DHX33: variants seen among roughly 807,000 people sequenced by gnomAD.
DHX33 encodes DEAH-box helicase 33.
DHX33 carries 42 observed loss-of-function variants against 72.5 expected under a neutral mutation model. That is an observed-to-expected ratio of 0.58 (90% CI 0.45 to 0.75). The LOEUF is 0.75. Ranked by LOEUF, DHX33 falls within the 30% of genes least tolerant of loss-of-function variation. The pLI, the probability that DHX33 is intolerant of heterozygous loss-of-function variation, is 0.00. For synonymous variants in DHX33, 358 were observed against 366.1 expected (o/e 0.98, Z 0.25); for missense variants, 842 against 917.5 (o/e 0.92, Z 1.06).
At chr17:5,445,821 C>T (rs1054217966) in intron 11 of DHX33, among the ~76,000 whole-genome samples, 5 of 152,190 alleles carry the variant, frequency 3.3e-5, no homozygotes, top group Non-Finnish European at 7.3e-5. Context: ...AGTGGCGGGC[C>T]TGGCTCCTGC....
At chr17:5,445,871 C>T (rs374957660) in intron 11 of DHX33, among the ~76,000 whole-genome samples, 2 of 152,272 alleles carry the variant, frequency 1.3e-5, no homozygotes, top group East Asian at 1.9e-4. Flanking sequence ...TCCTGCCTAT[C>T]GGTTCTCAGA....
chr17:5,460,194 T>C (rs1184778059), intron 4 of DHX33, among the ~76,000 whole-genome samples: 2 of 151,876 alleles, frequency 1.3e-5, no homozygotes, highest in East Asian at 3.9e-4. Context: ...TTTTGTATTT[T>C]TAGTACAGAC....
Position 5,462,350 on chromosome 17 carries a change from C to G in DHX33, c.647G>C (p.Arg216Thr), listed in dbSNP as rs978556725. ...LFGVVKAAQK[R>T]RKELGKLPLK... is the part of the protein sequence containing the mutation. ...AGGAAGTTTCCCGAGTTCCTTTCTC[C>G]TCTTCTGTGCAGCTTTCACCACTCC... Residue 216 changes from arginine (R) to threonine (T), a missense_variant, in exon 3 of 12, where the codon AGG becomes ACG. Physicochemically the swap from Arg to Thr is moderately conservative, Grantham distance 71. Transcript: ENST00000225296. 2 of 1,613,890 alleles carry G rather than the reference C, an allele frequency of 1.2e-6. No individual in the cohort carries two copies. Among genetic ancestry groups the G allele is most frequent in the African/African-American group, 2.7e-5 (2 of 74,916 alleles).
intron 1 of DHX33, among the ~76,000 whole-genome samples, chr17:5,466,509 C>T (rs1184048093): frequency 1.3e-5 from 2 of 152,144 alleles, no homozygotes; most frequent in Non-Finnish European, 2.9e-5. Flanking sequence ...TCAGCTGTTA[C>T]CCACACAGCT....
Position 5,462,549 on chromosome 17 carries a change from G to C in DHX33, c.451-3C>G. 6.2e-7 allele frequency: 1 copy of C among 1,610,516 alleles called. No individual in the cohort carries two copies. On this transcript the variant is annotated splice_region_variant and splice_polypyrimidine_tract_variant and intron_variant, in intron 2 of 11. Transcript: ENST00000225296. Reference sequence around the variant, plus strand: ...TCAAAGCGCACTGTATAGCCAACCTGTGCAGGGAAACAATTTATTCAGTCA... The same window carrying C: ...TCAAAGCGCACTGTATAGCCAACCTCTGCAGGGAAACAATTTATTCAGTCA...
At chr17:5,454,537 C>T (rs1917105330) in intron 6 of DHX33, among the ~76,000 whole-genome samples, 1 of 152,172 alleles carries the variant, frequency 6.6e-6, no homozygotes, top group African/African-American at 2.4e-5. Context: ...GCACTGGAGA[C>T]CCAAGCTCTT....
chr17:5,457,517 G>T (rs1166879024), intron 4 of DHX33, among the ~76,000 whole-genome samples: 3 of 145,724 alleles, frequency 2.1e-5, no homozygotes, highest in Non-Finnish European at 4.5e-5. Context: ...TGAGGCACAA[G>T]AATCACTTGG....
chr17:5,462,305 A>C lies in DHX33; in HGVS notation c.678+14T>G, dbSNP rs373734259. 1.4e-5 allele frequency: 22 copies of C among 1,608,792 alleles called. No individual in the cohort carries two copies. In the African/African-American group the frequency reaches 2.7e-4, roughly 20 times the overall value. ...AAGTTTCCCTCATACTTTCAGGGGA[A>C]GTTTCCCTCATACTTTCAGAGGAAG... is the stretch of plus-strand genomic sequence containing the variant. On this transcript the variant is annotated intron_variant, in intron 3 of 11. Coordinates refer to ENST00000225296, the MANE Select transcript of DHX33 (RefSeq NM_020162.4).
rs558237370 is a variant in DHX33 at position 5,457,201 on chromosome 17, A to C, written c.850-1019T>G. ...CGCACGCCTGTAATCCCAGCTACTCAGGAGGCTGAGGCAGGAGAATCACTT... is the reference window on the plus strand; with the variant it reads ...CGCACGCCTGTAATCCCAGCTACTCCGGAGGCTGAGGCAGGAGAATCACTT... On this transcript the variant is annotated intron_variant, in intron 4 of 11. Coordinates refer to ENST00000225296, the MANE Select transcript of DHX33 (RefSeq NM_020162.4). Among the ~76,000 whole-genome samples, 3 of 152,252 alleles carry C rather than the reference A, an allele frequency of 2.0e-5. No homozygotes were observed. The East Asian group carries it at 5.8e-4, about 29-fold the overall frequency.
chr17:5,442,659 G>C lies in DHX33; in HGVS notation c.*1546C>G, dbSNP rs1916479387. ...TCCATCAGGCCACAGCTTCCAGAAA[G>C]AGAGCATCCATGATCTCTGAAGAGC... On this transcript the variant is annotated 3_prime_UTR_variant, in exon 12 of 12. Coordinates refer to ENST00000225296, the MANE Select transcript of DHX33 (RefSeq NM_020162.4). 1 of 152,190 alleles carries C rather than the reference G, an allele frequency of 6.6e-6. No homozygotes were observed. Among genetic ancestry groups the C allele is most frequent in the Admixed American group, 6.5e-5 (1 of 15,284 alleles). The allele number at this position is 152,190 out of a possible 1,614,324, so 9.4% of individuals were successfully genotyped here. A position where few individuals can be genotyped will look rare whatever the true frequency, so the allele number is the denominator to read the frequency against.
chr17:5,467,269 G>A (rs777358691), intron 1 of DHX33, among the ~76,000 whole-genome samples: 3 of 152,094 alleles, frequency 2.0e-5, no homozygotes, highest in African/African-American at 2.4e-5. Context: ...CAGGATCATG[G>A]CAATTTCACA....
intron 4 of DHX33, among the ~76,000 whole-genome samples, chr17:5,456,784 CA>C (rs1391989418): frequency 2.0e-5 from 3 of 152,172 alleles, no homozygotes; most frequent in African/African-American, 4.8e-5. Flanking sequence ...ATGAAGTTGA[CA>C]AAACAGAAGG....
chr17:5,461,976 G>A (rs1174164163), intron 3 of DHX33, among the ~76,000 whole-genome samples: 7 of 125,892 alleles, frequency 5.6e-5, no homozygotes, highest in Non-Finnish European at 9.4e-5. Context: ...GTCTCGCTCT[G>A]TCACCCAGGC....
At chr17:5,447,639 G>GA (rs970179505) in intron 11 of DHX33, among the ~76,000 whole-genome samples, 10 of 151,176 alleles carry the variant, frequency 6.6e-5, no homozygotes, top group African/African-American at 1.2e-4. Context: ...AAAAAGAAAG[G>GA]AAAAAAAACA....
At chr17:5,455,378 A>G in intron 5 of DHX33, 107 bp from the exon 6 acceptor site, 1 of 895,194 alleles carries the variant, frequency 1.1e-6, no homozygotes, top group Non-Finnish European at 1.8e-6. Flanking sequence ...TGACCAACAG[A>G]AGATGACTCC....
chr17:5,449,182 A>G (rs1916784638), intron 10 of DHX33, among the ~76,000 whole-genome samples: 1 of 152,266 alleles, frequency 6.6e-6, no homozygotes, highest in African/African-American at 2.4e-5. Flanking sequence ...GTAGGAAAAT[A>G]TCTTTATATC....
chr17:5,464,091 G>A (rs937029242), intron 1 of DHX33, among the ~76,000 whole-genome samples: 2 of 151,570 alleles, frequency 1.3e-5, no homozygotes, highest in East Asian at 1.9e-4. Flanking sequence ...ATCCTAGCAC[G>A]TGGGGAGGCC....
intron 11 of DHX33, among the ~76,000 whole-genome samples, chr17:5,448,071 C>T (rs758567222): frequency 6.6e-6 from 1 of 152,066 alleles, no homozygotes; most frequent in African/African-American, 2.4e-5. Flanking sequence ...CCCAGCTACT[C>T]GGGAGGCTGA....
chr17:5,468,449 A>G (rs931381005), intron 1 of DHX33, 122 bp downstream of exon 1: 79 of 1,305,444 alleles, frequency 6.1e-5, no homozygotes, highest in Non-Finnish European at 8.1e-5. Context: ...GGTCTGGCCC[A>G]GAAAAGGTAT....
Sources: allele counts gnomAD v4.1 joint callset (sites outside exome capture counted in the v4.1 genomes callset), GRCh38; gene constraint gnomAD v4.1.1; transcripts MANE v1.5; gene names NCBI Gene and HGNC (gene_info 2026-07-23, HGNC 2026-07-21).